Variants in ADARB2 observed in about 807,000 individuals in gnomAD.
ADARB2 encodes inactive double-stranded RNA-specific editase B2.
ADARB2 carries 25 observed loss-of-function variants against 62.2 expected under a neutral mutation model. The observed-to-expected ratio is 0.40, with a 90% confidence interval of 0.29 to 0.56. The LOEUF (loss-of-function observed/expected upper bound fraction) is 0.56. Among genes scored for constraint, ADARB2 ranks in the 20% least tolerant of loss-of-function variants. The pLI is 0.43. For synonymous variants in ADARB2, 572 were observed against 500.8 expected, an observed-to-expected ratio of 1.14 and a Z score of -1.90; for missense variants, 1,071 against 1,077.4, an observed-to-expected ratio of 0.99 and a Z score of 0.08.
intron 3 of ADARB2, among the ~76,000 whole-genome samples, chr10:1,334,517 T>G (rs1589195790): frequency 6.6e-6 from 1 of 152,348 alleles, no homozygotes; most frequent in East Asian, 1.9e-4. Flanking sequence ...CATGTTTATA[T>G]GTGTACATAT....
At chr10:1,551,729 G>A (rs1832625704) in intron 1 of ADARB2, among the ~76,000 whole-genome samples, 1 of 152,244 alleles carries the variant, frequency 6.6e-6, no homozygotes, top group Non-Finnish European at 1.5e-5. Context: ...TCCCCTTCCT[G>A]CCCCTCTGGT....
intron 1 of ADARB2, among the ~76,000 whole-genome samples, chr10:1,462,711 G>A (rs1255271375): frequency 6.6e-6 from 1 of 151,368 alleles, no homozygotes; most frequent in Non-Finnish European, 1.5e-5. Context: ...GTGTGTATGT[G>A]CATGACTGTA....
rs1235179930 is a variant in ADARB2 at position 1,327,073 on chromosome 10, CT to C, written c.1077+35954del. 3.7e-5 allele frequency among the ~76,000 whole-genome samples: 4 copies of C among 108,936 alleles called. 1 individual carries two copies. Among genetic ancestry groups the C allele is most frequent in the African/African-American group, 1.5e-4 (4 of 26,782 alleles). The allele number at this position is 108,936 out of a possible 152,430, so 71.5% of individuals were successfully genotyped here. A position where few individuals can be genotyped will look rare whatever the true frequency, so the allele number is the denominator to read the frequency against. On this transcript the variant is annotated intron_variant, in intron 3 of 9. Coordinates refer to ENST00000381312, the MANE Select transcript of ADARB2 (RefSeq NM_018702.4). ...CTCCCCACTGCCCAGCGCCTCCCCA[CT>C]GCACAGCGCCTCCTCACTGCACAGC...
At chr10:1,683,206 A>G in intron 1 of ADARB2, among the ~76,000 whole-genome samples, 1 of 152,110 alleles carries the variant, frequency 6.6e-6, no homozygotes, top group East Asian at 1.9e-4. Flanking sequence ...GATAGGTCTG[A>G]CCCCAGATGC....
intron 1 of ADARB2, among the ~76,000 whole-genome samples, chr10:1,559,074 C>T (rs1466237766): frequency 4.6e-5 from 7 of 152,206 alleles, no homozygotes; most frequent in African/African-American, 1.7e-4. Context: ...AGTCCACGTA[C>T]ACATCCACAT....
chr10:1,474,999 T>C (rs1831380162), intron 1 of ADARB2, among the ~76,000 whole-genome samples: 1 of 152,012 alleles, frequency 6.6e-6, no homozygotes, highest in Non-Finnish European at 1.5e-5. Flanking sequence ...GCACAGTGGG[T>C]GGGACCCTGG....
chr10:1,509,430 G>T (rs1413049795), intron 1 of ADARB2, among the ~76,000 whole-genome samples: 1 of 152,136 alleles, frequency 6.6e-6, no homozygotes, highest in African/African-American at 2.4e-5. Flanking sequence ...GGGTTCGTCA[G>T]GCACAAATCC....
intron 1 of ADARB2, among the ~76,000 whole-genome samples, chr10:1,658,055 A>AG (rs148452349): frequency 0.57 from 84,118 of 148,816 alleles, 24,446 homozygotes; most frequent in East Asian, 0.81. Flanking sequence ...TTCTGTCTCT[A>AG]CTGTCTCTCT....
intron 1 of ADARB2, among the ~76,000 whole-genome samples, chr10:1,540,517 C>A (rs1486847304): frequency 1.6e-5 from 2 of 124,042 alleles, no homozygotes; most frequent in African/African-American, 6.4e-5. Context: ...CCGCCCAGAC[C>A]CCACTCAGAC....
At chr10:1,213,196 CAA>C (rs781692067) in intron 7 of ADARB2, among the ~76,000 whole-genome samples, 28 of 151,676 alleles carry the variant, frequency 1.8e-4, no homozygotes, top group Admixed American at 3.3e-4. Flanking sequence ...GATAAAAAGA[CAA>C]AGAGAGACAG....
At chr10:1,192,490 T>G (rs1208392242) in intron 8 of ADARB2, among the ~76,000 whole-genome samples, 1 of 152,272 alleles carries the variant, frequency 6.6e-6, no homozygotes, top group African/African-American at 2.4e-5. Flanking sequence ...TTTTATTCAT[T>G]ATCATTGATA....
chr10:1,681,720 A>G (rs1834538905), intron 1 of ADARB2, among the ~76,000 whole-genome samples: 2 of 152,140 alleles, frequency 1.3e-5, no homozygotes, highest in South Asian at 4.1e-4. Flanking sequence ...GGCTACTGCT[A>G]CTCTCAAGCA....
chr10:1,461,390 G>A (rs761361563), intron 1 of ADARB2, among the ~76,000 whole-genome samples: 1 of 152,134 alleles, frequency 6.6e-6, no homozygotes, highest in Non-Finnish European at 1.5e-5. Context: ...AGCCCTTCCC[G>A]GGTGAGGAAA....
intron 7 of ADARB2, among the ~76,000 whole-genome samples, chr10:1,213,052 CA>C (rs907894531): frequency 6.6e-6 from 1 of 152,114 alleles, no homozygotes; most frequent in African/African-American, 2.4e-5. Flanking sequence ...AGGAGCAGCT[CA>C]GGGAGCTCAT....
intron 3 of ADARB2, among the ~76,000 whole-genome samples, chr10:1,320,661 CCTT>C (rs1411253582): frequency 6.6e-6 from 1 of 152,220 alleles, no homozygotes; most frequent in Non-Finnish European, 1.5e-5. Context: ...TTATAGCTGT[CCTT>C]CTGCCAGAGA....
chr10:1,341,806 C>A (rs901746025), intron 3 of ADARB2, among the ~76,000 whole-genome samples: 4 of 152,102 alleles, frequency 2.6e-5, no homozygotes, highest in Admixed American at 2.6e-4. Context: ...CAGAGAACCA[C>A]GTGCCCCAAA....
chr10:1,246,419 A>G lies in ADARB2; in HGVS notation c.1193-4120T>C, dbSNP rs1830987059. 4.2e-5 allele frequency among the ~76,000 whole-genome samples: 5 copies of G among 117,850 alleles called. 2 individuals carry two copies. The South Asian group carries it at 1.1e-3, about 26-fold the overall frequency. 77.3% of individuals were successfully genotyped at this position (117,850 alleles called of 152,430 possible). On this transcript the variant is annotated intron_variant, in intron 4 of 9. Coordinates refer to ENST00000381312, the MANE Select transcript of ADARB2 (RefSeq NM_018702.4). ...GGACATGAAGTCCTTGCCCATGCCT[A>G]TGTCCTGAATGGTGATGCCCAGGTT... is the stretch of plus-strand genomic sequence containing the variant.
chr10:1,530,287 G>T (rs1832214358), intron 1 of ADARB2, among the ~76,000 whole-genome samples: 1 of 152,222 alleles, frequency 6.6e-6, no homozygotes, highest in Admixed American at 6.5e-5. Context: ...AAGGGACATT[G>T]TTCAGACCTC....
intron 6 of ADARB2, among the ~76,000 whole-genome samples, chr10:1,217,556 T>C (rs1830643552): frequency 6.6e-6 from 1 of 152,210 alleles, no homozygotes; most frequent in Non-Finnish European, 1.5e-5. Flanking sequence ...CCATTAAAAA[T>C]GTAAATATTT....
Sources: gnomAD v4.1 joint callset for allele counts (sites outside exome capture counted in the v4.1 genomes callset) on GRCh38, gnomAD v4.1.1 for gene constraint, MANE v1.5 for transcripts, NCBI Gene and HGNC (gene_info 2026-07-23, HGNC 2026-07-21) for gene names.